Variants in COL11A1 observed in about 807,000 individuals in gnomAD.
COL11A1 encodes the protein collagen alpha-1(XI) chain.
COL11A1 carries 74 observed loss-of-function variants against 265.2 expected under a neutral mutation model. The observed-to-expected ratio is 0.28, with a 90% CI of 0.23 to 0.34. The LOEUF (loss-of-function observed/expected upper bound fraction) is 0.34, where lower values mean the gene tolerates loss of function less well. COL11A1 is among the 10% of genes least tolerant of loss of function. The probability of loss-of-function intolerance (pLI) is 1.00; values close to 1 mark genes in which losing one functional copy is unlikely to be tolerated. For missense variants in COL11A1, 2,165 were observed against 2,263.6 expected, an observed-to-expected ratio of 0.96 and a Z score of 0.88; for synonymous variants, 816 against 727.6, an observed-to-expected ratio of 1.12 and a Z score of -1.96.
chr1:103,054,836 G>C (rs1339492191), intron 4 of COL11A1, among the ~76,000 whole-genome samples: 2 of 152,144 alleles, frequency 1.3e-5, no homozygotes, highest in African/African-American at 4.8e-5. Context: ...GGGAGGCAGA[G>C]GTTGCAGTGA....
intron 4 of COL11A1, among the ~76,000 whole-genome samples, chr1:103,066,507 G>A (rs1256294247): frequency 7.4e-6 from 1 of 134,858 alleles, no homozygotes; most frequent in African/African-American, 2.8e-5. Context: ...AATCCAATAA[G>A]TAAAACAAAA....
chr1:102,966,342 A>T (rs1661400855), intron 37 of COL11A1, among the ~76,000 whole-genome samples: 1 of 152,190 alleles, frequency 6.6e-6, no homozygotes, highest in South Asian at 2.1e-4. Flanking sequence ...TCCCTACAAC[A>T]TCTGGTCAGA....
intron 1 of COL11A1, among the ~76,000 whole-genome samples, chr1:103,085,864 G>A (rs528256485): frequency 6.6e-6 from 1 of 152,234 alleles, no homozygotes; most frequent in African/African-American, 2.4e-5. Flanking sequence ...ATATGTGCCA[G>A]TCTCTGGACT....
In COL11A1 at chr1:102,886,941, C is replaced by T; in HGVS notation, c.4724G>A (p.Gly1575Glu). The T allele has an allele frequency of 6.2e-7, 1 of 1,613,900 alleles. No individual in the cohort carries two copies. Among genetic ancestry groups the T allele is most frequent in the Non-Finnish European group, 8.5e-7 (1 of 1,179,872 alleles). ...GAGGGAACCAAATATTTCTTCCATT[C>T]CATCCGAGTAATCAAGAATATTATC... is the stretch of plus-strand genomic sequence containing the variant. The part of the protein sequence containing the change: ...ADDNILDYSD[G>E]MEEIFGSLNS... Residue 1575 changes from glycine (G) to glutamate (E), a missense_variant, in exon 63 of 67, where the codon GGA becomes GAA. Physicochemically the swap from Gly to Glu is moderately conservative, Grantham distance 98 (BLOSUM62 -2). Transcript: ENST00000370096.
rs1467918932 is a variant in COL11A1 at position 102,877,452 on chromosome 1, T to G, written c.*567A>C. 1 of 152,648 alleles carries G rather than the reference T, an allele frequency of 6.6e-6. No homozygotes were observed. The highest frequency in any genetic ancestry group is 1.5e-5 in the Non-Finnish European group (1 of 68,082). 9.5% of individuals were successfully genotyped at this position (152,648 alleles called of 1,614,324 possible). ...TTCAACATCAATATATACAAAGGCATTTTATTATTAACCAAAGAAAGGGAC... is the reference window on the plus strand; with the variant it reads ...TTCAACATCAATATATACAAAGGCAGTTTATTATTAACCAAAGAAAGGGAC... On this transcript the variant is annotated 3_prime_UTR_variant, in exon 67 of 67. Transcript: ENST00000370096.
chr1:102,916,564 C>T lies in COL11A1; in HGVS notation c.3763-880G>A, dbSNP rs532269983. 4.6e-5 allele frequency among the ~76,000 whole-genome samples: 7 copies of T among 152,096 alleles called. No homozygotes were observed. In the South Asian group the frequency reaches 1.4e-3, roughly 32 times the overall value. ...CCCTTACTTTTTAACTCTAATATTTCCAATATTCCTGACACAAATCCACTG... is the reference window on the plus strand; with the variant it reads ...CCCTTACTTTTTAACTCTAATATTTTCAATATTCCTGACACAAATCCACTG... On this transcript the variant is annotated intron_variant, in intron 49 of 66. Transcript: ENST00000370096.
chr1:102,976,418 C>T (rs985677821), intron 35 of COL11A1, among the ~76,000 whole-genome samples: 1 of 148,526 alleles, frequency 6.7e-6, no homozygotes, highest in African/African-American at 2.5e-5. Context: ...CCTGCTTCAG[C>T]CTCCTGAGTA....
At chr1:103,073,867 C>T (rs968365058) in intron 4 of COL11A1, among the ~76,000 whole-genome samples, 3 of 151,802 alleles carry the variant, frequency 2.0e-5, no homozygotes, top group African/African-American at 7.2e-5. Context: ...CCAGGTGAAA[C>T]TGTCTATTAA....
At chr1:103,013,283 A>G (rs1274604664) in intron 13 of COL11A1, among the ~76,000 whole-genome samples, 1 of 152,004 alleles carries the variant, frequency 6.6e-6, no homozygotes, top group African/African-American at 2.4e-5. Flanking sequence ...CTGACTCACC[A>G]TGAGATTTTT....
chr1:102,991,443 G>GTGATCTACA (rs1180126648), intron 28 of COL11A1, among the ~76,000 whole-genome samples: 4 of 151,258 alleles, frequency 2.6e-5, no homozygotes, highest in Non-Finnish European at 1.5e-5. Context: ...CCTTCACCAC[G>GTGATCTACA]TGATCTAGCC....
At chr1:103,096,900 C>A (rs1673818773) in intron 1 of COL11A1, among the ~76,000 whole-genome samples, 1 of 151,938 alleles carries the variant, frequency 6.6e-6, no homozygotes, top group Non-Finnish European at 1.5e-5. Context: ...ATGTTTTTGT[C>A]TTATAGCAGA....
chr1:102,993,001 T>C (rs1364361707), intron 28 of COL11A1, among the ~76,000 whole-genome samples: 2 of 152,058 alleles, frequency 1.3e-5, no homozygotes, highest in African/African-American at 4.8e-5. Context: ...TTTGTCCTCA[T>C]ATATATCTAG....
intron 37 of COL11A1, among the ~76,000 whole-genome samples, 159 bp from the exon 38 acceptor site, chr1:102,965,699 T>C (rs1661339997): frequency 6.6e-6 from 1 of 152,248 alleles, no homozygotes; most frequent in Non-Finnish European, 1.5e-5. Context: ...GTTAAACTTA[T>C]TTCAGTTTTC....
chr1:102,980,492 A>C (rs1317832176), intron 31 of COL11A1, among the ~76,000 whole-genome samples: 68 of 152,116 alleles, frequency 4.5e-4, no homozygotes, highest in Admixed American at 4.5e-3. Flanking sequence ...GACCCTGAAA[A>C]GGAAGAAGTG....
chr1:102,889,610 C>CAACCAGG, intron 58 of COL11A1, 48 bp from the exon 59 acceptor site: 1 of 1,327,818 alleles, frequency 7.5e-7, no homozygotes, highest in Non-Finnish European at 1.1e-6. Context: ...TTACTATCTT[C>CAACCAGG]ATAAAATTTT....
rs1207762111 is a variant in COL11A1 at position 103,005,334 on chromosome 1, T to A, written c.1845+504A>T. 2.0e-5 allele frequency among the ~76,000 whole-genome samples: 3 copies of A among 152,302 alleles called. No individual in the cohort carries two copies. The East Asian group carries it at 5.8e-4, about 29-fold the overall frequency. Reference sequence around the variant, plus strand: ...CTAAAATTATCTACTGGAATACTGTTCAGAATCATGGTTTCTTTAGCCTTC... The same window carrying A: ...CTAAAATTATCTACTGGAATACTGTACAGAATCATGGTTTCTTTAGCCTTC... On this transcript the variant is annotated intron_variant, in intron 18 of 66. Coordinates refer to ENST00000370096, the MANE Select transcript of COL11A1 (RefSeq NM_001854.4).
chr1:102,992,064 G>A (rs1570966126), intron 28 of COL11A1, among the ~76,000 whole-genome samples: 1 of 152,022 alleles, frequency 6.6e-6, no homozygotes, highest in East Asian at 1.9e-4. Flanking sequence ...ATCACTTATA[G>A]ACTCTGACTA....
intron 66 of COL11A1, 22 bp downstream of exon 66, chr1:102,879,661 G>C: frequency 6.2e-7 from 1 of 1,602,976 alleles, no homozygotes; most frequent in Non-Finnish European, 8.5e-7. Flanking sequence ...TGTGAAGGGA[G>C]ACAAGCAGAA....
intron 4 of COL11A1, among the ~76,000 whole-genome samples, chr1:103,052,426 G>T (rs1408614148): frequency 6.6e-6 from 1 of 152,094 alleles, no homozygotes; most frequent in Non-Finnish European, 1.5e-5. Context: ...TCTCAGAACT[G>T]CTGGGCTTAT....
Sources: gnomAD v4.1 joint callset for allele counts (sites outside exome capture counted in the v4.1 genomes callset) on GRCh38, gnomAD v4.1.1 for gene constraint, MANE v1.5 for transcripts, NCBI Gene and HGNC (gene_info 2026-07-23, HGNC 2026-07-21) for gene names.